CSMD3: variants seen among roughly 807,000 people sequenced by gnomAD.
The protein encoded by CSMD3 is CUB and sushi domain-containing protein 3.
A neutral mutation model predicts 435.2 loss-of-function variants in CSMD3; 177 were observed. The observed-to-expected ratio is 0.41, with a 90% CI of 0.36 to 0.46. The LOEUF (loss-of-function observed/expected upper bound fraction) is 0.46, where lower values mean the gene tolerates loss of function less well. Among genes scored for constraint, CSMD3 ranks in the 20% least tolerant of loss-of-function variants. The pLI is 0.34. For missense variants in CSMD3, 4,265 were observed against 4,504.6 expected (o/e 0.95, Z 1.52); for synonymous variants, 1,656 against 1,520.5 (o/e 1.09, Z -2.07).
intron 3 of CSMD3, among the ~76,000 whole-genome samples, chr8:113,251,096 GC>G (rs888380692): frequency 5.3e-5 from 8 of 152,010 alleles, no homozygotes; most frequent in African/African-American, 7.2e-5. Context: ...TCTACTATGT[GC>G]AAAATGTGAA....
At chr8:112,637,039 G>C (rs769707229) in intron 21 of CSMD3, 34 bp from the exon 22 acceptor site, 2 of 1,549,256 alleles carry the variant, frequency 1.3e-6, no homozygotes, top group Non-Finnish European at 1.8e-6. Flanking sequence ...CCCCGCGGGG[G>C]AGGAAAGGAC....
chr8:112,763,664 G>A (rs11776457), intron 13 of CSMD3, among the ~76,000 whole-genome samples: 16,973 of 147,498 alleles, frequency 0.12, 1,298 homozygotes, highest in Middle Eastern at 0.17. Context: ...TAGTTACTTC[G>A]TGTTAAAAGA....
chr8:113,020,281 T>G (rs1462881316), intron 5 of CSMD3, among the ~76,000 whole-genome samples: 1 of 151,956 alleles, frequency 6.6e-6, no homozygotes, highest in African/African-American at 2.4e-5. Flanking sequence ...TAGTTGGATA[T>G]GTAGTCTTCA....
chr8:112,536,307 A>T (rs1447898812), intron 27 of CSMD3, among the ~76,000 whole-genome samples: 1 of 152,136 alleles, frequency 6.6e-6, no homozygotes, highest in Non-Finnish European at 1.5e-5. Flanking sequence ...ATCTACAATG[A>T]ACTCAAACAA....
At chr8:112,718,497 A>ATG (rs1193189257) in intron 13 of CSMD3, among the ~76,000 whole-genome samples, 3 of 149,228 alleles carry the variant, frequency 2.0e-5, no homozygotes, top group Non-Finnish European at 3.0e-5. Context: ...TCTAATGCCT[A>ATG]TGTGTGTGTA....
At chr8:112,714,829 A>G (rs1359709858) in intron 13 of CSMD3, among the ~76,000 whole-genome samples, 1 of 152,198 alleles carries the variant, frequency 6.6e-6, no homozygotes, top group African/African-American at 2.4e-5. Context: ...ACTCCTGGTT[A>G]AAAATAATGA....
chr8:112,605,805 C>T (rs1314857262), intron 22 of CSMD3, among the ~76,000 whole-genome samples: 1 of 152,084 alleles, frequency 6.6e-6, no homozygotes, highest in Non-Finnish European at 1.5e-5. Flanking sequence ...GAAAAAATAC[C>T]TGTTTTCACG....
At chr8:112,252,644 T>G (rs1208770569) in intron 63 of CSMD3, among the ~76,000 whole-genome samples, 1 of 148,476 alleles carries the variant, frequency 6.7e-6, no homozygotes, top group Non-Finnish European at 1.5e-5. Context: ...GTTAGATCTA[T>G]ACAGATTTAG....
intron 3 of CSMD3, among the ~76,000 whole-genome samples, chr8:113,188,165 T>G (rs2092535311): frequency 6.6e-6 from 1 of 152,042 alleles, no homozygotes; most frequent in African/African-American, 2.4e-5. Flanking sequence ...TCAAAAGTCT[T>G]TAAACATATT....
intron 1 of CSMD3, among the ~76,000 whole-genome samples, chr8:113,323,315 A>T (rs2093961526): frequency 2.0e-5 from 3 of 152,206 alleles, no homozygotes; most frequent in Admixed American, 2.0e-4. Context: ...TGAATAGATA[A>T]ACAGTAAAAT....
intron 2 of CSMD3, among the ~76,000 whole-genome samples, chr8:113,289,424 C>T (rs1026476420): frequency 5.3e-5 from 8 of 151,288 alleles, no homozygotes; most frequent in Admixed American, 4.0e-4. Flanking sequence ...GACTTTTGAT[C>T]TTTTTGGATG....
At chr8:113,313,554 A>T (rs1171766159) in intron 2 of CSMD3, 2 of 152,168 alleles carry the variant, frequency 1.3e-5, no homozygotes, top group African/African-American at 4.8e-5. Flanking sequence ...AAATTGAAAA[A>T]ATATAAATGC....
intron 34 of CSMD3, among the ~76,000 whole-genome samples, chr8:112,408,061 G>GA (rs914153902): frequency 5.5e-4 from 83 of 151,560 alleles, no homozygotes; most frequent in African/African-American, 1.9e-3. Context: ...GGATTGTCAG[G>GA]AAAAAAAAGT....
At chr8:112,998,955 C>A (rs180820627) in intron 6 of CSMD3, among the ~76,000 whole-genome samples, 26 of 152,088 alleles carry the variant, frequency 1.7e-4, no homozygotes, top group Middle Eastern at 3.4e-3. Flanking sequence ...GCCTGCAGAA[C>A]CATGAGCCAA....
intron 11 of CSMD3, among the ~76,000 whole-genome samples, chr8:112,843,067 C>A (rs551969640): frequency 2.6e-5 from 4 of 151,840 alleles, no homozygotes; most frequent in African/African-American, 9.6e-5. Context: ...TAAATGCTTT[C>A]TAGAATAAGC....
chr8:112,687,719 A>G (rs2076042891), intron 14 of CSMD3, among the ~76,000 whole-genome samples: 1 of 152,162 alleles, frequency 6.6e-6, no homozygotes, highest in African/African-American at 2.4e-5. Context: ...CATTGGATTG[A>G]ATTCAGATTG....
intron 32 of CSMD3, among the ~76,000 whole-genome samples, chr8:112,461,098 GA>G (rs970531729): frequency 6.6e-6 from 1 of 151,958 alleles, no homozygotes; most frequent in African/African-American, 2.4e-5. Context: ...CACCAAAACA[GA>G]AAAAAACACC....
At chr8:112,573,701 A>C in intron 23 of CSMD3, 44 bp from the exon 24 acceptor site, 1 of 1,409,904 alleles carries the variant, frequency 7.1e-7, no homozygotes, top group Non-Finnish European at 1.0e-6. Flanking sequence ...TGCCAATAAT[A>C]ATCAATTCAG....
intron 10 of CSMD3, among the ~76,000 whole-genome samples, chr8:112,864,429 T>A (rs925743687): frequency 6.6e-6 from 1 of 151,966 alleles, no homozygotes; most frequent in Non-Finnish European, 1.5e-5. Context: ...TTTTGTACTT[T>A]TAGTAGAGAT....
Sources: allele counts gnomAD v4.1 joint callset (sites outside exome capture counted in the v4.1 genomes callset), GRCh38; gene constraint gnomAD v4.1.1; transcripts MANE v1.5; gene names NCBI Gene and HGNC (gene_info 2026-07-23, HGNC 2026-07-21).